CPSF7: variants seen among roughly 807,000 people sequenced by gnomAD.
The protein encoded by CPSF7 is cleavage and polyadenylation specific factor 7.
In CPSF7, 1 loss-of-function variant was observed where a neutral mutation model predicts 44.3. The ratio of observed to expected loss-of-function variants is 0.02; its 90% CI spans 0.01 to 0.11. The LOEUF (loss-of-function observed/expected upper bound fraction) is 0.11. CPSF7 is among the 10% of genes least tolerant of loss of function. CPSF7 has a pLI of 1.00. For missense variants in CPSF7, 443 were observed against 607.2 expected, an observed-to-expected ratio of 0.73 and a Z score of 2.84; for synonymous variants, 202 against 222.0, an observed-to-expected ratio of 0.91 and a Z score of 0.80.
intron 2 of CPSF7, chr11:61,427,191 G>A (rs948986259): frequency 1.3e-5 from 2 of 151,388 alleles, no homozygotes; most frequent in Non-Finnish European, 2.9e-5. Flanking sequence ...TTGAGCTCAG[G>A]AGTTGAGAGA....
chr11:61,429,303 GA>G lies in CPSF7; in HGVS notation c.-55-14del, dbSNP rs1417248060. ...AAGGAAGATGCCACTGCGGGATTCG[GA>G]AAAATGCAAGAATTAGAAGGCACGA... On this transcript the variant is annotated splice_polypyrimidine_tract_variant and intron_variant, in intron 1 of 9. Transcript: ENST00000439958. 8.5e-6 allele frequency: 13 copies of G among 1,537,872 alleles called. No individual in the cohort carries two copies. Among genetic ancestry groups the G allele is most frequent in the Non-Finnish European group, 1.2e-5 (13 of 1,110,920 alleles).
intron 5 of CPSF7, among the ~76,000 whole-genome samples, chr11:61,419,318 G>A (rs557881288): frequency 2.6e-5 from 4 of 152,214 alleles, no homozygotes; most frequent in East Asian, 3.9e-4. Flanking sequence ...CACCGCGCCC[G>A]GCCTGTAACT....
In CPSF7 at chr11:61,416,094, A is replaced by G; in HGVS notation, c.938+11T>C. 1 of 1,499,224 alleles carries G rather than the reference A, an allele frequency of 6.7e-7. No homozygotes were observed. Among genetic ancestry groups the G allele is most frequent in the African/African-American group, 1.4e-5 (1 of 71,362 alleles). The allele number at this position is 1,499,224 out of a possible 1,614,324, so 92.9% of individuals were successfully genotyped here. A position where few individuals can be genotyped will look rare whatever the true frequency, so the allele number is the denominator to read the frequency against. On this transcript the variant is annotated intron_variant, in intron 6 of 9. Transcript: ENST00000439958. ...CCCTGGCTCAAATCTGAAAGGAACAATAGTCCTTACCTGCCATGGTGGTTA... is the reference window on the plus strand; with the variant it reads ...CCCTGGCTCAAATCTGAAAGGAACAGTAGTCCTTACCTGCCATGGTGGTTA...
At chr11:61,428,925 C>T in intron 2 of CPSF7, 1 of 272,294 alleles carries the variant, frequency 3.7e-6, no homozygotes, top group East Asian at 6.8e-5. Flanking sequence ...GTAAATTCCA[C>T]AGGTTGATTC....
intron 6 of CPSF7, 118 bp downstream of exon 6, chr11:61,415,987 T>A: frequency 9.6e-7 from 1 of 1,042,942 alleles, no homozygotes; most frequent in Non-Finnish European, 1.4e-6. Flanking sequence ...AATGCTATGA[T>A]AACAGAATGT....
At chr11:61,423,105 C>A (rs1362238432) in intron 2 of CPSF7, among the ~76,000 whole-genome samples, 171 of 52,340 alleles carry the variant, frequency 3.3e-3, no homozygotes, top group African/African-American at 5.4e-3. Flanking sequence ...GACCCCATAT[C>A]AAAAAAAAAA....
intron 9 of CPSF7, among the ~76,000 whole-genome samples, chr11:61,409,855 C>T (rs552298827): frequency 6.6e-6 from 1 of 152,070 alleles, no homozygotes; most frequent in South Asian, 2.1e-4. Flanking sequence ...CGCCTGTAGC[C>T]CCAGCTGCTG....
Position 61,420,583 on chromosome 11 carries a change from G to A in CPSF7, c.274-10C>T, listed in dbSNP as rs1860768267. The A allele has an allele frequency of 1.9e-6, 3 of 1,607,504 alleles. No homozygotes were observed. The highest frequency in any genetic ancestry group is 2.2e-5 in the East Asian group (1 of 44,844). On this transcript the variant is annotated splice_polypyrimidine_tract_variant and intron_variant, in intron 3 of 9. Coordinates refer to ENST00000439958, the MANE Select transcript of CPSF7 (RefSeq NM_001142565.3). ...GCTGGTCTGTGGTCCACTGGGGCCG[G>A]CAAGATGGAAAAGGAAGAGATGTCA...
intron 2 of CPSF7, among the ~76,000 whole-genome samples, chr11:61,425,544 T>G (rs1861268701): frequency 6.6e-6 from 1 of 152,228 alleles, no homozygotes; most frequent in Non-Finnish European, 1.5e-5. Flanking sequence ...AGAACATGTG[T>G]GATTTTCAAT....
At chr11:61,426,416 G>A (rs1861345694) in intron 2 of CPSF7, 1 of 152,064 alleles carries the variant, frequency 6.6e-6, no homozygotes, top group Admixed American at 6.6e-5. Context: ...TGTGTGGGGG[G>A]GAAGCACTCA....
chr11:61,425,633 G>T (rs551892150), intron 2 of CPSF7, among the ~76,000 whole-genome samples: 68 of 152,304 alleles, frequency 4.5e-4, no homozygotes, highest in African/African-American at 1.6e-3. Context: ...ACTGAGGGAA[G>T]TAACTAGCCT....
At chr11:61,422,698 A>C (rs1276596062) in intron 2 of CPSF7, among the ~76,000 whole-genome samples, 2 of 152,348 alleles carry the variant, frequency 1.3e-5, no homozygotes, top group Middle Eastern at 3.4e-3. Context: ...AAACTGTATC[A>C]CACAGTAAGC....
intron 2 of CPSF7, among the ~76,000 whole-genome samples, chr11:61,427,705 C>T (rs1207412322): frequency 6.6e-6 from 1 of 150,800 alleles, no homozygotes; most frequent in African/African-American, 2.4e-5. Flanking sequence ...TAATCAGCAG[C>T]TATATTTAAA....
At chr11:61,417,186 A>C (rs1409590866) in intron 5 of CPSF7, among the ~76,000 whole-genome samples, 3 of 152,200 alleles carry the variant, frequency 2.0e-5, no homozygotes, top group Non-Finnish European at 4.4e-5. Flanking sequence ...GATAGCACAC[A>C]GCTGACAGTA....
Position 61,421,479 on chromosome 11 carries a change from T to C in CPSF7, c.184A>G (p.Lys62Glu). The C allele has an allele frequency of 6.2e-7, 1 of 1,614,138 alleles. No homozygotes were observed. Among genetic ancestry groups the C allele is most frequent in the Non-Finnish European group, 8.5e-7 (1 of 1,180,026 alleles). The change falls in exon 3 of 10, where the codon AAG (lysine) becomes GAG (glutamate). Residue 62 changes from lysine (K) to glutamate (E), a missense_variant. Coordinates refer to ENST00000439958, the MANE Select transcript of CPSF7 (RefSeq NM_001142565.3). ...ATTGCAGGGGTCTTGTTGTTGGGCT[T>C]GGGAGATGGCTCCTGGCGAACAGGA... Reference protein sequence around the residue: ...PPPVRQEPSPKPNNKTPAILY... With the variant: ...PPPVRQEPSPEPNNKTPAILY...
chr11:61,411,176 G>A (rs2135278070), intron 8 of CPSF7, 71 bp from the exon 9 acceptor site: 3 of 1,468,094 alleles, frequency 2.0e-6, no homozygotes, highest in Middle Eastern at 1.9e-4. Context: ...GTGTTTTGGT[G>A]TCTTCTGATA....
intron 5 of CPSF7, among the ~76,000 whole-genome samples, chr11:61,419,632 T>C (rs1860670370): frequency 1.3e-5 from 2 of 152,178 alleles, no homozygotes; most frequent in Non-Finnish European, 2.9e-5. Context: ...GATGGAACTT[T>C]AAACATCATG....
At chr11:61,408,637 A>C (rs10466667) in intron 9 of CPSF7, among the ~76,000 whole-genome samples, 9,220 of 152,220 alleles carry the variant, frequency 0.061, 981 homozygotes, top group African/African-American at 0.21. Flanking sequence ...CAATCTTTCC[A>C]GAAGTTTTCC....
At position 61,415,838 on chromosome 11, in the gene CPSF7, G is replaced by C. The variant is rs952735787; in HGVS notation, c.939-54C>G. The C allele has an allele frequency of 7.8e-6, 10 of 1,284,860 alleles. No individual in the cohort carries two copies. In the African/African-American group the frequency reaches 1.3e-4, roughly 17 times the overall value. 79.6% of individuals were successfully genotyped at this position (1,284,860 alleles called of 1,614,324 possible). A position where few individuals can be genotyped will look rare whatever the true frequency, so the allele number is the denominator to read the frequency against. On this transcript the variant is annotated intron_variant, in intron 6 of 9. Transcript: ENST00000439958. ...GCTCACATCCCTTATTATTTTTACT[G>C]TACTCTACAACACTTTGGTAATTTT...
Sources: allele counts gnomAD v4.1 joint callset (sites outside exome capture counted in the v4.1 genomes callset), GRCh38; gene constraint gnomAD v4.1.1; transcripts MANE v1.5; gene names NCBI Gene and HGNC (gene_info 2026-07-23, HGNC 2026-07-21).